The following HSCB variants were observed in gnomAD, a reference collection of about 807,000 sequenced individuals.
HSCB encodes HscB mitochondrial iron-sulfur cluster cochaperone.
In HSCB, 23 loss-of-function variants were observed where a neutral mutation model predicts 31.3. The ratio of observed to expected loss-of-function variants is 0.74; its 90% CI spans 0.53 to 1.04. The LOEUF (loss-of-function observed/expected upper bound fraction) is 1.04. Among genes scored for constraint, HSCB ranks in the 50% least tolerant of loss-of-function variants. The pLI, the probability that HSCB is intolerant of heterozygous loss-of-function variation, is 0.00. For missense variants in HSCB, 297 were observed against 288.1 expected, an observed-to-expected ratio of 1.03 and a Z score of -0.22; for synonymous variants, 110 against 104.5, an observed-to-expected ratio of 1.05 and a Z score of -0.32.
At position 28,750,247 on chromosome 22, in the gene HSCB, C is replaced by CAAAAAAAAAAAA. The variant is rs563701958; in HGVS notation, c.569-976_569-965dup. Among the ~76,000 whole-genome samples, 37 of 64,714 alleles carry CAAAAAAAAAAAA rather than the reference C, an allele frequency of 5.7e-4. 1 individual carries two copies. Among genetic ancestry groups the CAAAAAAAAAAAA allele is most frequent in the East Asian group, 3.0e-3 (8 of 2,626 alleles). 42.5% of individuals were successfully genotyped at this position (64,714 alleles called of 152,430 possible). A position where few individuals can be genotyped will look rare whatever the true frequency, so the allele number is the denominator to read the frequency against. ...CTGGGCAACAAGAGCGAAACTGTCTCAAAAAAAAAAAAAAAAAAAAAAAAA... is the reference window on the plus strand; with the variant it reads ...CTGGGCAACAAGAGCGAAACTGTCTCAAAAAAAAAAAAAAAAAAAAAAAAAAAAAAAAAAAAA... On this transcript the variant is annotated intron_variant, in intron 4 of 5. Coordinates refer to ENST00000216027, the MANE Select transcript of HSCB (RefSeq NM_172002.5).
intron 5 of HSCB, 45 bp downstream of exon 5, chr22:28,751,333 A>G (rs765991177): frequency 8.5e-7 from 1 of 1,172,348 alleles, no homozygotes. Context: ...AGAAATTTCA[A>G]GCACTGAAGC....
chr22:28,743,826 G>A, intron 1 of HSCB, 56 bp from the exon 2 acceptor site: 1 of 1,432,664 alleles, frequency 7.0e-7, no homozygotes, highest in Non-Finnish European at 9.8e-7. Context: ...CAGGCTCATG[G>A]TAGATAAACC....
In HSCB at chr22:28,742,071, C is replaced by T. The variant is rs746808655; in HGVS notation, c.-25C>T. On this transcript the variant is annotated 5_prime_UTR_variant, in exon 1 of 6. Transcript: ENST00000216027. Reference sequence around the variant, plus strand: ...CTCTTTGCTTTTCCCCACGAGTGACCACGGCTAGATAGGCCGCCGGCCAGA... The same window carrying T: ...CTCTTTGCTTTTCCCCACGAGTGACTACGGCTAGATAGGCCGCCGGCCAGA... 2 of 1,591,882 alleles carry T rather than the reference C, an allele frequency of 1.3e-6. No homozygotes were observed. The highest frequency in any genetic ancestry group is 2.3e-5 in the East Asian group (1 of 44,086).
At position 28,757,351 on chromosome 22, in the gene HSCB, G is replaced by A. The variant is rs1241659371; in HGVS notation, c.*182G>A. On this transcript the variant is annotated 3_prime_UTR_variant, in exon 6 of 6. Transcript: ENST00000216027. ...AATACAAAAATTAGCCGGGCATGGT[G>A]GCGCGTGCCTGTAATCCCAGCTACT... 2 of 439,176 alleles carry A rather than the reference G, an allele frequency of 4.6e-6. No individual in the cohort carries two copies. Among genetic ancestry groups the A allele is most frequent in the Non-Finnish European group, 8.6e-6 (2 of 232,736 alleles). 27.2% of individuals were successfully genotyped at this position (439,176 alleles called of 1,614,324 possible). A position where few individuals can be genotyped will look rare whatever the true frequency, so the allele number is the denominator to read the frequency against.
chr22:28,748,574 A>G (rs1011044111), intron 4 of HSCB, among the ~76,000 whole-genome samples: 11 of 151,432 alleles, frequency 7.3e-5, no homozygotes, highest in African/African-American at 2.4e-4. Flanking sequence ...GTGCACTGGC[A>G]TGATCTCGGC....
chr22:28,743,800 C>G, intron 1 of HSCB, 82 bp from the exon 2 acceptor site: 4 of 1,162,024 alleles, frequency 3.4e-6, no homozygotes, highest in South Asian at 1.2e-5. Context: ...TGCATCTTCC[C>G]CATAAGAGCA....
intron 4 of HSCB, among the ~76,000 whole-genome samples, chr22:28,748,843 G>A (rs191206310): frequency 6.6e-6 from 1 of 152,082 alleles, no homozygotes; most frequent in Non-Finnish European, 1.5e-5. Flanking sequence ...CACTACTCTT[G>A]GCCTTATTTC....
chr22:28,753,482 C>G (rs899356219), intron 5 of HSCB, among the ~76,000 whole-genome samples: 1 of 149,620 alleles, frequency 6.7e-6, no homozygotes, highest in Non-Finnish European at 1.5e-5. Context: ...GAGCTGAGAT[C>G]GCACCATTGC....
chr22:28,748,112 G>C (rs2029954345), intron 4 of HSCB, among the ~76,000 whole-genome samples: 1 of 152,216 alleles, frequency 6.6e-6, no homozygotes. Context: ...TTGAACCCGG[G>C]AGGCGGAGGT....
At position 28,742,166 on chromosome 22, in the gene HSCB, GA is replaced by G; in HGVS notation, c.72del (p.Arg24SerfsTer3). The G allele has an allele frequency of 6.2e-7, 1 of 1,613,842 alleles. No homozygotes were observed. The highest frequency in any genetic ancestry group is 8.5e-7 in the Non-Finnish European group (1 of 1,179,942). On this transcript the variant is annotated frameshift_variant, in exon 1 of 6. Transcript: ENST00000216027. LOFTEE classifies it high-confidence loss of function. ...GFWPTGVPRRRPLSCDAASQA... is the reference protein window; with the variant it reads ...GFWPTGVPRRXPLSCDAASQA... ...TGGCCGACAGGGGTTCCCAGAAGGA[GA>G]CCGCTAAGCTGCGATGCTGCGTCGC... is the stretch of plus-strand genomic sequence containing the variant.
At chr22:28,747,717 A>C (rs1017420595) in intron 4 of HSCB, among the ~76,000 whole-genome samples, 1 of 152,204 alleles carries the variant, frequency 6.6e-6, no homozygotes, top group Non-Finnish European at 1.5e-5. Context: ...ATATTCAGTT[A>C]TGTACTTTCA....
chr22:28,753,539 G>T (rs567928540), intron 5 of HSCB, among the ~76,000 whole-genome samples: 159 of 144,092 alleles, frequency 1.1e-3, no homozygotes, highest in African/African-American at 3.8e-3. Flanking sequence ...AAAAAAAAAG[G>T]ATAGAAATTC....
chr22:28,744,499 C>G (rs2054649494), intron 2 of HSCB, 116 bp from the exon 3 acceptor site: 3 of 694,370 alleles, frequency 4.3e-6, no homozygotes, highest in East Asian at 5.2e-5. Flanking sequence ...TTGCAGTGAG[C>G]TGAGTTCGCG....
At chr22:28,753,635 G>A (rs533900479) in intron 5 of HSCB, among the ~76,000 whole-genome samples, 73 of 146,936 alleles carry the variant, frequency 5.0e-4, no homozygotes, top group Middle Eastern at 4.2e-3. Flanking sequence ...TGAGGAGATC[G>A]AGACCATCCT....
intron 3 of HSCB, 91 bp downstream of exon 3, chr22:28,744,795 G>A: frequency 9.7e-7 from 1 of 1,025,982 alleles, no homozygotes; most frequent in Admixed American, 1.7e-5. Context: ...GCAGAAGAGT[G>A]CTTGAGGTCA....
intron 4 of HSCB, among the ~76,000 whole-genome samples, chr22:28,746,400 A>AAAAAAAAAG (rs1450010883): frequency 6.6e-6 from 1 of 150,592 alleles, no homozygotes; most frequent in African/African-American, 2.5e-5. Flanking sequence ...AAAAAAAAAA[A>AAAAAAAAAG]AAGGTTATTT....
chr22:28,746,149 G>A (rs902919279), intron 4 of HSCB, 141 bp downstream of exon 4: 1 of 686,500 alleles, frequency 1.5e-6, no homozygotes, highest in African/African-American at 1.9e-5. Context: ...GGGAGGCCAA[G>A]GCAAGTGGAT....
rs540940789 is a variant in HSCB, at chr22:28,752,303, C to A, written c.616+1015C>A. On this transcript the variant is annotated intron_variant, in intron 5 of 5. Coordinates refer to ENST00000216027, the MANE Select transcript of HSCB (RefSeq NM_172002.5). Reference sequence around the variant, plus strand: ...ACAAAATTAGCCAGGCGCAGTGGCGCGCCTGTAATCCCAGCTACTAGGGAG... The same window carrying A: ...ACAAAATTAGCCAGGCGCAGTGGCGAGCCTGTAATCCCAGCTACTAGGGAG... Among the ~76,000 whole-genome samples, 93 of 150,964 alleles carry A rather than the reference C, an allele frequency of 6.2e-4. 1 individual carries two copies. The Middle Eastern group carries it at 0.021, about 33-fold the overall frequency.
At chr22:28,747,018 C>G (rs2029893255) in intron 4 of HSCB, among the ~76,000 whole-genome samples, 1 of 151,888 alleles carries the variant, frequency 6.6e-6, no homozygotes. Context: ...GAGCTGAGAT[C>G]ACACCACTGT....
Sources: allele counts gnomAD v4.1 joint callset (sites outside exome capture counted in the v4.1 genomes callset), GRCh38; gene constraint gnomAD v4.1.1; transcripts MANE v1.5; gene names NCBI Gene and HGNC (gene_info 2026-07-23, HGNC 2026-07-21).